The following TBC1D32 variants were observed in gnomAD, a reference collection of about 807,000 sequenced individuals.
The protein encoded by TBC1D32 is protein broad-minded.
A neutral mutation model predicts 170.3 loss-of-function variants in TBC1D32; 151 were observed. The observed-to-expected ratio is 0.89, with a 90% CI of 0.78 to 1.01. The LOEUF (loss-of-function observed/expected upper bound fraction) is 1.01, where lower values mean the gene tolerates loss of function less well. Among genes scored for constraint, TBC1D32 ranks in the 50% least tolerant of loss-of-function variants. The pLI is 0.00. For missense variants in TBC1D32, 1,464 were observed against 1,457.1 expected, an observed-to-expected ratio of 1.00 and a Z score of -0.08; for synonymous variants, 498 against 488.0, an observed-to-expected ratio of 1.02 and a Z score of -0.27.
chr6:121,103,761 A>G (rs560062219), intron 30 of TBC1D32, among the ~76,000 whole-genome samples: 1 of 152,038 alleles, frequency 6.6e-6, no homozygotes, highest in South Asian at 2.1e-4. Flanking sequence ...GTAGAGATTT[A>G]TAAATTATTG....
chr6:121,131,431 GAAAAA>G (rs900228652), intron 25 of TBC1D32, among the ~76,000 whole-genome samples, 191 bp downstream of exon 25: 1 of 151,006 alleles, frequency 6.6e-6, no homozygotes, highest in African/African-American at 2.4e-5. Flanking sequence ...GTTCCAAAAA[GAAAAA>G]AACAATGCTT....
intron 30 of TBC1D32, among the ~76,000 whole-genome samples, chr6:121,100,646 A>C (rs1412756520): frequency 1.3e-5 from 2 of 152,222 alleles, no homozygotes; most frequent in African/African-American, 4.8e-5. Context: ...AAAGATCTAA[A>C]ATTGACACCC....
chr6:121,271,457 T>C (rs1416091188), intron 15 of TBC1D32, among the ~76,000 whole-genome samples: 1 of 152,142 alleles, frequency 6.6e-6, no homozygotes, highest in Non-Finnish European at 1.5e-5. Context: ...CAGGCATTCC[T>C]ATACACCAAT....
At chr6:121,146,000 A>G (rs1783387229) in intron 24 of TBC1D32, among the ~76,000 whole-genome samples, 2 of 152,198 alleles carry the variant, frequency 1.3e-5, no homozygotes. Flanking sequence ...AAAACAGTTT[A>G]AAGCCTTGAA....
rs150401778 is a variant in TBC1D32 at position 121,170,160 on chromosome 6, TAC to T, written c.2571-9106_2571-9105del. 4.8e-4 allele frequency among the ~76,000 whole-genome samples: 72 copies of T among 148,638 alleles called. No homozygotes were observed. In the South Asian group the frequency reaches 0.011, roughly 22 times the overall value. The stretch of plus-strand genomic sequence containing the variant: ...TATATATACACACATACCACACACA[TAC>T]ACACACACACACACACGACAAAAGC... On this transcript the variant is annotated intron_variant, in intron 22 of 31. Coordinates refer to ENST00000398212, the MANE Select transcript of TBC1D32 (RefSeq NM_152730.6).
intron 15 of TBC1D32, among the ~76,000 whole-genome samples, chr6:121,273,288 C>T (rs1001400766): frequency 1.3e-5 from 2 of 150,722 alleles, no homozygotes; most frequent in African/African-American, 4.9e-5. Context: ...GGCACATATA[C>T]ACCATGGAAT....
At chr6:121,112,470 TCAAACCCTC>T (rs1779284072) in intron 29 of TBC1D32, 26 bp downstream of exon 29, 1 of 1,553,416 alleles carries the variant, frequency 6.4e-7, no homozygotes, top group East Asian at 2.3e-5. Context: ...TCTTAAAATT[TCAAACCCTC>T]CTTTAAAAAC....
intron 21 of TBC1D32, among the ~76,000 whole-genome samples, chr6:121,216,031 T>C (rs1793780277): frequency 1.3e-5 from 2 of 152,206 alleles, no homozygotes. Flanking sequence ...AGTGTCAACT[T>C]GTTGAATTGA....
At chr6:121,295,903 T>C (rs1014193012) in intron 10 of TBC1D32, among the ~76,000 whole-genome samples, 1 of 152,056 alleles carries the variant, frequency 6.6e-6, no homozygotes, top group African/African-American at 2.4e-5. Context: ...GGAACTTGGA[T>C]TTCAGGAGGG....
At chr6:121,318,078 C>A (rs964733209) in intron 2 of TBC1D32, among the ~76,000 whole-genome samples, 2 of 150,408 alleles carry the variant, frequency 1.3e-5, no homozygotes, top group Non-Finnish European at 2.9e-5. Flanking sequence ...TCTTTCTCCA[C>A]CCCCCTATCC....
chr6:121,141,774 C>T (rs755134023), intron 24 of TBC1D32, among the ~76,000 whole-genome samples: 12 of 151,570 alleles, frequency 7.9e-5, no homozygotes, highest in Non-Finnish European at 1.3e-4. Context: ...TGTAGGAGTT[C>T]GGTCAGGGTG....
intron 24 of TBC1D32, among the ~76,000 whole-genome samples, chr6:121,157,871 G>A (rs1464508437): frequency 6.6e-6 from 1 of 152,090 alleles, no homozygotes; most frequent in Non-Finnish European, 1.5e-5. Context: ...TGAAAAGTCT[G>A]TTGCTAGCAT....
At chr6:121,269,221 C>T (rs9387940) in intron 15 of TBC1D32, among the ~76,000 whole-genome samples, 24,482 of 152,096 alleles carry the variant, frequency 0.16, 2,666 homozygotes, top group East Asian at 0.52. Context: ...GCAAAATAAC[C>T]AGCTAACATC....
chr6:121,090,443 G>T, intron 31 of TBC1D32, among the ~76,000 whole-genome samples: 1 of 152,012 alleles, frequency 6.6e-6, no homozygotes, highest in East Asian at 1.9e-4. Context: ...AATCTTTCAT[G>T]AAAATCTTTT....
Position 121,321,678 on chromosome 6 carries a change from T to A in TBC1D32, c.272A>T (p.Asp91Val). Residue 91 changes from aspartate to valine, a missense_variant, in exon 2 of 32, where the codon GAT (aspartate) becomes GTT (valine). Coordinates refer to ENST00000398212, the MANE Select transcript of TBC1D32 (RefSeq NM_152730.6). ...TTTAGTGACCTGCTGTACAACTGTA[T>A]CATAGCCGCATTCTTCACCCTGATT... ...DRNQGEECGY[D>V]TVVQQVTKRT... 1.9e-6 allele frequency: 3 copies of A among 1,614,048 alleles called. No individual in the cohort carries two copies. The highest frequency in any genetic ancestry group is 2.5e-6 in the Non-Finnish European group (3 of 1,179,944).
intron 17 of TBC1D32, among the ~76,000 whole-genome samples, chr6:121,247,833 A>C (rs970035685): frequency 3.3e-5 from 5 of 151,992 alleles, no homozygotes; most frequent in African/African-American, 1.2e-4. Context: ...TTACTACTAG[A>C]CCTAAGAAAT....
intron 26 of TBC1D32, among the ~76,000 whole-genome samples, chr6:121,124,144 T>A (rs1780581604): frequency 1.3e-5 from 2 of 152,066 alleles, no homozygotes; most frequent in Non-Finnish European, 2.9e-5. Context: ...TAAATATTAG[T>A]GCAATAATCA....
At position 121,185,531 on chromosome 6, in the gene TBC1D32, G is replaced by T. The variant is rs142275539; in HGVS notation, c.2570+19544C>A. 2.2e-4 allele frequency among the ~76,000 whole-genome samples: 34 copies of T among 152,222 alleles called. No individual in the cohort carries two copies. In the East Asian group the frequency reaches 2.9e-3, roughly 13 times the overall value. ...CAATATGGATTCCCTTATCAGAGAT[G>T]ATCTGACTACAGCTATTACTGAACA... On this transcript the variant is annotated intron_variant, in intron 22 of 31. Coordinates refer to ENST00000398212, the MANE Select transcript of TBC1D32 (RefSeq NM_152730.6).
At position 121,147,191 on chromosome 6, in the gene TBC1D32, T is replaced by C. The variant is rs114613414; in HGVS notation, c.2773+12819A>G. ...GCTGTGTAGTATTCCATGGTGAATA[T>C]GCACCATATTCTCTTTATCCAATCC... On this transcript the variant is annotated intron_variant, in intron 24 of 31. Transcript: ENST00000398212. Among the ~76,000 whole-genome samples the C allele has an allele frequency of 1.5e-3, 232 of 152,342 alleles. 1 individual carries two copies. Among genetic ancestry groups the C allele is most frequent in the African/African-American group, 5.4e-3 (224 of 41,588 alleles).
Sources: allele counts gnomAD v4.1 joint callset (sites outside exome capture counted in the v4.1 genomes callset), GRCh38; gene constraint gnomAD v4.1.1; transcripts MANE v1.5; gene names NCBI Gene and HGNC (gene_info 2026-07-23, HGNC 2026-07-21).